The following SLC25A17 variants were observed in gnomAD, a reference collection of about 807,000 sequenced individuals.
The protein encoded by SLC25A17 is solute carrier family 25 member 17.
A neutral mutation model predicts 38.5 loss-of-function variants in SLC25A17; 26 were observed. The observed-to-expected ratio is 0.68, with a 90% confidence interval of 0.50 to 0.94. The LOEUF is 0.94. SLC25A17 is among the 40% of genes least tolerant of loss of function. SLC25A17 has a pLI of 0.00. For missense variants in SLC25A17, 333 were observed against 372.7 expected (o/e 0.89, Z 0.88); for synonymous variants, 139 against 136.2 (o/e 1.02, Z -0.14).
chr22:40,819,339 A>T lies in SLC25A17; in HGVS notation c.-91T>A, dbSNP rs2057674015. 4 of 1,286,416 alleles carry T rather than the reference A, an allele frequency of 3.1e-6. No homozygotes were observed. The highest frequency in any genetic ancestry group is 4.2e-6 in the Non-Finnish European group (4 of 948,112). The allele number at this position is 1,286,416 out of a possible 1,614,324, so 79.7% of individuals were successfully genotyped here. A position where few individuals can be genotyped will look rare whatever the true frequency, so the allele number is the denominator to read the frequency against. On this transcript the variant is annotated 5_prime_UTR_variant, in exon 1 of 9. Coordinates refer to ENST00000435456, the MANE Select transcript of SLC25A17 (RefSeq NM_006358.4). ...AAGGAGCACCGGAGCTCAGGGTGTGAGAGTCGCAATCCCCGCCCTCTCAAA... is the reference window on the plus strand; with the variant it reads ...AAGGAGCACCGGAGCTCAGGGTGTGTGAGTCGCAATCCCCGCCCTCTCAAA...
At chr22:40,773,632 G>A (rs2057210481) in intron 8 of SLC25A17, among the ~76,000 whole-genome samples, 2 of 152,154 alleles carry the variant, frequency 1.3e-5, no homozygotes, top group South Asian at 4.1e-4. Flanking sequence ...AGGCATCATA[G>A]GATATGCCAC....
chr22:40,773,445 A>G (rs1602584741), intron 8 of SLC25A17, among the ~76,000 whole-genome samples: 1 of 148,882 alleles, frequency 6.7e-6, no homozygotes, highest in South Asian at 2.1e-4. Flanking sequence ...GATTGAGATT[A>G]CCTATGTGTA....
intron 1 of SLC25A17, among the ~76,000 whole-genome samples, chr22:40,808,140 A>C (rs775623137): frequency 6.6e-6 from 1 of 152,150 alleles, no homozygotes; most frequent in Non-Finnish European, 1.5e-5. Context: ...CATCTATCTG[A>C]GTGGGAGTTC....
intron 1 of SLC25A17, among the ~76,000 whole-genome samples, chr22:40,808,081 C>CGA (rs138313): frequency 0.69 from 104,131 of 151,660 alleles, 36,480 homozygotes; most frequent in African/African-American, 0.78. Context: ...TACTGTTGTG[C>CGA]GAGAGGCATA....
intron 7 of SLC25A17, among the ~76,000 whole-genome samples, chr22:40,775,532 C>T (rs532083695): frequency 3.5e-5 from 5 of 142,084 alleles, no homozygotes; most frequent in East Asian, 2.1e-4. Context: ...GGCGCAATCT[C>T]GGCTCACTGC....
Position 40,789,848 on chromosome 22 carries a change from C to T in SLC25A17, c.334+2677G>A, listed in dbSNP as rs1400300545. On this transcript the variant is annotated intron_variant, in intron 4 of 8. Transcript: ENST00000435456. The surrounding 1 kb of genome is among the most constrained non-coding windows in gnomAD (Gnocchi z 4.5). ...ATAGAGATGGGGTCTTGCTATGTTGCCCAGGCTGGTCTCAAACTGCGGGCT... is the reference window on the plus strand; with the variant it reads ...ATAGAGATGGGGTCTTGCTATGTTGTCCAGGCTGGTCTCAAACTGCGGGCT... 2.0e-5 allele frequency among the ~76,000 whole-genome samples: 3 copies of T among 151,162 alleles called. No individual in the cohort carries two copies. The highest frequency in any genetic ancestry group is 6.6e-5 in the Admixed American group (1 of 15,134).
At chr22:40,808,935 T>C (rs565891843) in intron 1 of SLC25A17, among the ~76,000 whole-genome samples, 39 of 152,356 alleles carry the variant, frequency 2.6e-4, no homozygotes, top group African/African-American at 8.4e-4. Context: ...AAATGTGTGA[T>C]ATTGCAACAG....
intron 1 of SLC25A17, among the ~76,000 whole-genome samples, chr22:40,810,825 C>T (rs2145705546): frequency 6.6e-6 from 1 of 152,304 alleles, no homozygotes; most frequent in Admixed American, 6.5e-5. Flanking sequence ...TATACATCTC[C>T]ATATAATAAT....
chr22:40,773,945 T>A lies in SLC25A17; in HGVS notation c.768A>T (p.Gln256His). The A allele has an allele frequency of 3.7e-6, 6 of 1,606,308 alleles. No individual in the cohort carries two copies. The highest frequency in any genetic ancestry group is 5.1e-6 in the Non-Finnish European group (6 of 1,172,880). The change falls in exon 8 of 9, where the codon CAA (glutamine) becomes CAT (histidine). Residue 256 changes from glutamine to histidine, a missense_variant. Transcript: ENST00000435456. Reference sequence around the variant, plus strand: ...GCATCTACAAAGCTCACCTTACTCGTTGGTGAAGAAGATAGAGAATATTCC... The same window carrying A: ...GCATCTACAAAGCTCACCTTACTCGATGGTGAAGAAGATAGAGAATATTCC... The part of the protein sequence containing the change: ...SLRNILYLLH[Q>H]RVRRFGIMGL...
At chr22:40,813,816 T>C (rs1376145623) in intron 1 of SLC25A17, 1 of 152,460 alleles carries the variant, frequency 6.6e-6, no homozygotes, top group Non-Finnish European at 1.5e-5. Flanking sequence ...ATGTCCTTTA[T>C]AGCTATAGTA....
chr22:40,770,993 G>T lies in SLC25A17; in HGVS notation c.777-12C>A, dbSNP rs1411037089. 9.0e-6 allele frequency: 14 copies of T among 1,547,704 alleles called. No individual in the cohort carries two copies. Among genetic ancestry groups the T allele is most frequent in the South Asian group, 1.2e-5 (1 of 83,390 alleles). Reference sequence around the variant, plus strand: ...TTATTCCAAAACGTCTAAAGGGAAAGAGGTTTGAAAAAACAGAAGTCAGCT... The same window carrying T: ...TTATTCCAAAACGTCTAAAGGGAAATAGGTTTGAAAAAACAGAAGTCAGCT... On this transcript the variant is annotated splice_polypyrimidine_tract_variant and intron_variant, in intron 8 of 8. Coordinates refer to ENST00000435456, the MANE Select transcript of SLC25A17 (RefSeq NM_006358.4).
chr22:40,813,722 TCAAAAA>T (rs898503259), intron 1 of SLC25A17, among the ~76,000 whole-genome samples: 1 of 152,120 alleles, frequency 6.6e-6, no homozygotes, highest in Non-Finnish European at 1.5e-5. Flanking sequence ...AGACTGAGTT[TCAAAAA>T]CAAAAACAAA....
Position 40,819,198 on chromosome 22 carries a change from G to A in SLC25A17, c.51C>T (p.Ala17=). ...YESLVHAVAG[A]VGSVTAMTVF... ...GGGCGTAAAGACCCCGTCTCACCAC[G>A]GCTCCGGCCACGGCGTGGACCAGGC... The change falls in exon 1 of 9, where the codon GCC becomes GCT. Residue 17 remains alanine (A), a synonymous_variant. Transcript: ENST00000435456. 1 of 1,613,558 alleles carries A rather than the reference G, an allele frequency of 6.2e-7. No homozygotes were observed. The highest frequency in any genetic ancestry group is 8.5e-7 in the Non-Finnish European group (1 of 1,179,992).
At chr22:40,809,922 C>A (rs767040952) in intron 1 of SLC25A17, among the ~76,000 whole-genome samples, 2 of 152,114 alleles carry the variant, frequency 1.3e-5, no homozygotes, top group Non-Finnish European at 2.9e-5. Context: ...AAGGTAAATA[C>A]CTCCAGGAAG....
At chr22:40,799,173 C>T (rs569378379) in intron 1 of SLC25A17, 90 bp from the exon 2 acceptor site, 130 of 885,978 alleles carry the variant, frequency 1.5e-4, no homozygotes, top group Non-Finnish European at 2.2e-4. Flanking sequence ...GCTCTGTCAT[C>T]TAGGCTGGAG....
intron 2 of SLC25A17, among the ~76,000 whole-genome samples, chr22:40,798,660 TAAAAAAAAAAAA>T (rs10640211): frequency 1.3e-5 from 1 of 74,378 alleles, no homozygotes; most frequent in Non-Finnish European, 2.5e-5. Flanking sequence ...CACACATACA[TAAAAAAAAAAAA>T]AAAAAAAAAA....
intron 5 of SLC25A17, among the ~76,000 whole-genome samples, chr22:40,777,735 T>C (rs1602589670): frequency 1.3e-5 from 2 of 151,500 alleles, no homozygotes; most frequent in African/African-American, 4.9e-5. Context: ...TGAGCCAAGA[T>C]TGTGCCACTG....
chr22:40,779,154 G>A (rs2057273653), intron 4 of SLC25A17, 29 bp from the exon 5 acceptor site: 1 of 1,614,032 alleles, frequency 6.2e-7, no homozygotes, highest in East Asian at 2.2e-5. Flanking sequence ...AGAGAAAAAG[G>A]GAAGGCAAAA....
intron 4 of SLC25A17, among the ~76,000 whole-genome samples, chr22:40,781,944 G>A (rs947077184): frequency 1.3e-5 from 2 of 151,986 alleles, no homozygotes; most frequent in African/African-American, 4.8e-5. Context: ...AGTTCCGGCC[G>A]GGTGCGGTTG....
Sources: allele counts gnomAD v4.1 joint callset (sites outside exome capture counted in the v4.1 genomes callset), GRCh38; gene constraint gnomAD v4.1.1; non-coding constraint Gnocchi (gnomAD v3.1); transcripts MANE v1.5; gene names NCBI Gene and HGNC (gene_info 2026-07-23, HGNC 2026-07-21).